Variants in TATDN1 observed in about 807,000 individuals in gnomAD.
TATDN1 encodes the protein TatD DNase domain containing 1.
Under a neutral mutation model 46.4 loss-of-function variants are expected in TATDN1, and 40 were observed. The observed-to-expected ratio is 0.86, with a 90% CI of 0.67 to 1.12. The LOEUF is 1.12. Ranked by LOEUF, TATDN1 falls within the 50% of genes most tolerant of loss-of-function variation. The pLI, the probability that TATDN1 is intolerant of heterozygous loss-of-function variation, is 0.00. For synonymous variants in TATDN1, 95 were observed against 105.6 expected (o/e 0.90, Z 0.62); for missense variants, 326 against 348.4 (o/e 0.94, Z 0.51).
At chr8:124,532,757 G>A (rs540653313) in intron 1 of TATDN1, among the ~76,000 whole-genome samples, 3 of 152,308 alleles carry the variant, frequency 2.0e-5, no homozygotes, top group African/African-American at 7.2e-5. Context: ...TCTGCTCGTT[G>A]GGCAGATCGG....
At chr8:124,509,204 A>G (rs1586610514) in intron 6 of TATDN1, among the ~76,000 whole-genome samples, 1 of 152,254 alleles carries the variant, frequency 6.6e-6, no homozygotes, top group East Asian at 1.9e-4. Flanking sequence ...AATATCTTAA[A>G]GAGTACTTGA....
At chr8:124,523,135 T>C in intron 1 of TATDN1, 133 bp from the exon 2 acceptor site, 1 of 684,600 alleles carries the variant, frequency 1.5e-6, no homozygotes, top group Non-Finnish European at 2.5e-6. Flanking sequence ...GCCTACCACT[T>C]GTCAACTACT....
chr8:124,504,340 G>A lies in TATDN1; in HGVS notation c.524C>T (p.Ser175Leu). 1 of 1,602,600 alleles carries A rather than the reference G, an allele frequency of 6.2e-7. No homozygotes were observed. Among genetic ancestry groups the A allele is most frequent in the African/African-American group, 1.3e-5 (1 of 74,584 alleles). ...TGCTGCTTCCTTGGTACCATCAAAT[G>A]AATGCACCTGGGGACATACAGGTAT... ...RDRCVGGVVH[S>L]FDGTKEAAAA... The change falls in exon 9 of 12, where the codon TCA (serine) becomes TTA (leucine). Residue 175 changes from serine to leucine, a missense_variant. Physicochemically the swap from Ser to Leu is moderately radical, Grantham distance 145. Coordinates refer to ENST00000276692, the MANE Select transcript of TATDN1 (RefSeq NM_032026.4).
At chr8:124,534,112 C>T (rs1821214737) in intron 1 of TATDN1, among the ~76,000 whole-genome samples, 1 of 130,780 alleles carries the variant, frequency 7.6e-6, no homozygotes, top group Admixed American at 8.8e-5. Context: ...CACCACTACA[C>T]TCCAGCCTGG....
intron 6 of TATDN1, among the ~76,000 whole-genome samples, chr8:124,513,472 A>T (rs1819204044): frequency 6.6e-6 from 1 of 152,126 alleles, no homozygotes; most frequent in Non-Finnish European, 1.5e-5. Context: ...TCTTCTTTGT[A>T]TCATGCTGAG....
chr8:124,525,653 TTG>T (rs1820421563), intron 1 of TATDN1, among the ~76,000 whole-genome samples: 1 of 152,224 alleles, frequency 6.6e-6, no homozygotes, highest in South Asian at 2.1e-4. Context: ...CATGTAATTA[TTG>T]GGAACACTGT....
chr8:124,497,443 G>A (rs554369128), intron 9 of TATDN1, among the ~76,000 whole-genome samples: 2 of 152,032 alleles, frequency 1.3e-5, no homozygotes, highest in East Asian at 1.9e-4. Flanking sequence ...CTGCCACCAC[G>A]CCCGGCTCAT....
At chr8:124,503,182 C>G (rs1308474042) in intron 9 of TATDN1, among the ~76,000 whole-genome samples, 1 of 151,856 alleles carries the variant, frequency 6.6e-6, no homozygotes, top group Non-Finnish European at 1.5e-5. Context: ...GAGTGATATG[C>G]AGAGAATGGA....
At chr8:124,529,957 T>C (rs1314755654) in intron 1 of TATDN1, among the ~76,000 whole-genome samples, 1 of 152,090 alleles carries the variant, frequency 6.6e-6, no homozygotes, top group Non-Finnish European at 1.5e-5. Context: ...TTGGGCATGG[T>C]GGCAGGTGCC....
intron 9 of TATDN1, 106 bp downstream of exon 9, chr8:124,504,161 AACAC>A: frequency 2.4e-6 from 2 of 829,196 alleles, no homozygotes. Flanking sequence ...GATCAATGCA[AACAC>A]ACACAAACTT....
chr8:124,522,424 C>CT (rs1174519265), intron 2 of TATDN1, among the ~76,000 whole-genome samples: 4 of 151,390 alleles, frequency 2.6e-5, no homozygotes, highest in Middle Eastern at 3.4e-3. Context: ...ATAATGAGTT[C>CT]TTTTTTTTTG....
At chr8:124,519,571 G>A (rs1402992077) in intron 3 of TATDN1, among the ~76,000 whole-genome samples, 1 of 152,028 alleles carries the variant, frequency 6.6e-6, no homozygotes, top group East Asian at 1.9e-4. Context: ...TATTTTAAAA[G>A]GAATATTTAA....
chr8:124,520,942 CAAAAAAAAAAAAA>C (rs1162309758), intron 3 of TATDN1, among the ~76,000 whole-genome samples: 1 of 82,246 alleles, frequency 1.2e-5, no homozygotes, highest in Non-Finnish European at 2.5e-5. Context: ...GACTCCGTCT[CAAAAAAAAAAAAA>C]AAAAAAAAAG....
rs377069580 is a variant in TATDN1 at position 124,539,047 on chromosome 8, G to T, written c.-1C>A. ...TACCGATAAACTTGAAGCGACTCAT[G>T]ACTGCGCATGGAGGACCTCCCCAGC... On this transcript the variant is annotated 5_prime_UTR_variant, in exon 1 of 12. Transcript: ENST00000276692. 2.5e-6 allele frequency: 4 copies of T among 1,613,868 alleles called. No homozygotes were observed. The highest frequency in any genetic ancestry group is 1.1e-5 in the South Asian group (1 of 91,080).
intron 1 of TATDN1, chr8:124,538,809 A>T (rs1586704107): frequency 1.6e-6 from 1 of 611,082 alleles, no homozygotes. Flanking sequence ...ACGGCTTGTT[A>T]ATTTTTACAA....
At chr8:124,504,004 C>T (rs1223841180) in intron 9 of TATDN1, 2 of 1,157,704 alleles carry the variant, frequency 1.7e-6, no homozygotes, top group Admixed American at 4.6e-5. Flanking sequence ...AATTGGATTA[C>T]CAGAGAAAGC....
At chr8:124,505,659 T>C (rs1490127256) in intron 8 of TATDN1, among the ~76,000 whole-genome samples, 1 of 151,982 alleles carries the variant, frequency 6.6e-6, no homozygotes, top group Non-Finnish European at 1.5e-5. Flanking sequence ...TTTTCATAGT[T>C]TGGATGTATT....
chr8:124,530,355 T>C (rs1158405847), intron 1 of TATDN1, among the ~76,000 whole-genome samples: 1 of 152,120 alleles, frequency 6.6e-6, no homozygotes, highest in Non-Finnish European at 1.5e-5. Context: ...TGTTGGCAAA[T>C]CCAGCAATCC....
Position 124,515,969 on chromosome 8 carries a change from G to A in TATDN1, c.264C>T (p.Asn88=), listed in dbSNP as rs776275823. 1.9e-6 allele frequency: 3 copies of A among 1,613,772 alleles called. No individual in the cohort carries two copies. Among genetic ancestry groups the A allele is most frequent in the South Asian group, 2.2e-5 (2 of 91,030 alleles). ...GCAACTCCTTTAAGTAAAGATCAGGGTTATTCTTTTCAAATTCACCACATC... is the reference window on the plus strand; with the variant it reads ...GCAACTCCTTTAAGTAAAGATCAGGATTATTCTTTTCAAATTCACCACATC... ...PTRCGEFEKN[N]PDLYLKELLN... The change falls in exon 5 of 12, where the codon AAC becomes AAT. Residue 88 remains asparagine, a synonymous_variant. Transcript: ENST00000276692.
Sources: allele counts gnomAD v4.1 joint callset (sites outside exome capture counted in the v4.1 genomes callset), GRCh38; gene constraint gnomAD v4.1.1; transcripts MANE v1.5; gene names NCBI Gene and HGNC (gene_info 2026-07-23, HGNC 2026-07-21).